MGAT4C: variants seen among roughly 807,000 people sequenced by gnomAD.
The protein encoded by MGAT4C is MGAT4 family member C.
In MGAT4C, 19 loss-of-function variants were observed where a neutral mutation model predicts 40.1. The ratio of observed to expected loss-of-function variants is 0.47; its 90% CI spans 0.33 to 0.70. The LOEUF is 0.70. Among genes scored for constraint, MGAT4C ranks in the 30% least tolerant of loss-of-function variants. The pLI is 0.02. For missense variants in MGAT4C, 491 were observed against 563.2 expected, an observed-to-expected ratio of 0.87 and a Z score of 1.30; for synonymous variants, 181 against 187.1, an observed-to-expected ratio of 0.97 and a Z score of 0.27.
At chr12:86,066,094 G>A (rs1894513360) in intron 1 of MGAT4C, among the ~76,000 whole-genome samples, 1 of 151,788 alleles carries the variant, frequency 6.6e-6, no homozygotes, top group South Asian at 2.1e-4. Flanking sequence ...TCCTTGCTCA[G>A]GGAGAGGAAG....
At chr12:86,254,581 T>A (rs1265126905) in intron 1 of MGAT4C, among the ~76,000 whole-genome samples, 1 of 152,100 alleles carries the variant, frequency 6.6e-6, no homozygotes, top group Non-Finnish European at 1.5e-5. Flanking sequence ...CCACTGGGTT[T>A]TTCAACTTCA....
intron 2 of MGAT4C, among the ~76,000 whole-genome samples, chr12:86,601,952 C>T (rs575596576): frequency 2.9e-4 from 44 of 152,272 alleles, no homozygotes; most frequent in Non-Finnish European, 5.3e-4. Context: ...TTCCTGGTGT[C>T]TCCGAGCTTT....
rs59492221 is a variant in MGAT4C at position 86,429,333 on chromosome 12, A to G, written c.-120+5824T>C. 0.02 allele frequency among the ~76,000 whole-genome samples: 3,007 copies of G among 152,270 alleles called. 214 individuals are homozygous for G. The East Asian group carries it at 0.24, about 12-fold the overall frequency. On this transcript the variant is annotated intron_variant, in intron 3 of 7. Coordinates refer to the MGAT4C transcript ENST00000548651. ...TGTGTTTAGAAAATATACTTGATATAATTTATATTTTTTAAAATTTGCTGA... is the reference window on the plus strand; with the variant it reads ...TGTGTTTAGAAAATATACTTGATATGATTTATATTTTTTAAAATTTGCTGA...
chr12:86,432,960 G>T (rs907888985), intron 3 of MGAT4C, among the ~76,000 whole-genome samples: 1 of 151,874 alleles, frequency 6.6e-6, no homozygotes, highest in Non-Finnish European at 1.5e-5. Flanking sequence ...CCTGGAGTGG[G>T]TATGAGGCTT....
At chr12:86,403,790 T>C (rs1956414380) in intron 3 of MGAT4C, among the ~76,000 whole-genome samples, 2 of 152,196 alleles carry the variant, frequency 1.3e-5, no homozygotes, top group African/African-American at 4.8e-5. Flanking sequence ...TGAAGATAGT[T>C]TGACTCCCAA....
chr12:86,106,735 T>G (rs1876253533), intron 1 of MGAT4C, among the ~76,000 whole-genome samples: 1 of 152,158 alleles, frequency 6.6e-6, no homozygotes, highest in Non-Finnish European at 1.5e-5. Context: ...ATGTGAGGTG[T>G]TGACTTAGAC....
At chr12:86,243,348 ATGTTCTGTGAT>A (rs1348174535) in intron 1 of MGAT4C, among the ~76,000 whole-genome samples, 1 of 152,190 alleles carries the variant, frequency 6.6e-6, no homozygotes, top group Non-Finnish European at 1.5e-5. Context: ...GTCTCTGAGA[ATGTTCTGTGAT>A]TGTTCCCTGT....
chr12:86,349,863 A>G (rs931068914), intron 3 of MGAT4C, among the ~76,000 whole-genome samples: 2 of 152,094 alleles, frequency 1.3e-5, no homozygotes, highest in Non-Finnish European at 2.9e-5. Flanking sequence ...TGTTAAATTT[A>G]TCAATACCTT....
intron 3 of MGAT4C, among the ~76,000 whole-genome samples, chr12:86,419,632 A>G (rs1956784181): frequency 6.6e-6 from 1 of 152,174 alleles, no homozygotes. Flanking sequence ...AAAAAGAAGT[A>G]AAAATAGAGC....
chr12:86,485,702 C>T (rs565560001), intron 2 of MGAT4C, among the ~76,000 whole-genome samples: 2 of 152,068 alleles, frequency 1.3e-5, no homozygotes, highest in East Asian at 1.9e-4. Flanking sequence ...GAGAAGTTGA[C>T]ACGCAAATTT....
At chr12:86,630,531 G>T (rs570821392) in intron 2 of MGAT4C, among the ~76,000 whole-genome samples, 34 of 152,244 alleles carry the variant, frequency 2.2e-4, no homozygotes, top group South Asian at 1.9e-3. Flanking sequence ...GAATCCAGCA[G>T]CATATCAAAA....
At chr12:86,041,905 G>C (rs59697356) in intron 2 of MGAT4C, among the ~76,000 whole-genome samples, 3,051 of 152,216 alleles carry the variant, frequency 0.02, 114 homozygotes, top group African/African-American at 0.069. Context: ...AATGTGCTCT[G>C]TGGGGCGTTG....
chr12:86,106,850 A>G (rs1369301550), intron 1 of MGAT4C, among the ~76,000 whole-genome samples: 1 of 152,172 alleles, frequency 6.6e-6, no homozygotes, highest in Non-Finnish European at 1.5e-5. Flanking sequence ...TTGTATTTGA[A>G]GTAGATTGAG....
chr12:86,652,363 A>G (rs1459489518), intron 2 of MGAT4C, among the ~76,000 whole-genome samples: 2 of 151,934 alleles, frequency 1.3e-5, no homozygotes, highest in African/African-American at 2.4e-5. Context: ...TCCAAAATAT[A>G]TAATAAATGC....
At chr12:86,231,179 C>T (rs1012526153) in intron 1 of MGAT4C, among the ~76,000 whole-genome samples, 3 of 151,996 alleles carry the variant, frequency 2.0e-5, no homozygotes, top group East Asian at 1.9e-4. Flanking sequence ...TAAAACATTC[C>T]CTTTAGCAAA....
chr12:86,151,955 T>C (rs941920708), intron 1 of MGAT4C, among the ~76,000 whole-genome samples: 1 of 152,218 alleles, frequency 6.6e-6, no homozygotes, highest in Non-Finnish European at 1.5e-5. Flanking sequence ...TACTAACTTA[T>C]GTGATCCAGT....
intron 3 of MGAT4C, among the ~76,000 whole-genome samples, chr12:86,350,136 C>G (rs527823714): frequency 6.6e-6 from 1 of 152,132 alleles, no homozygotes; most frequent in African/African-American, 2.4e-5. Flanking sequence ...CTTATCCTTT[C>G]TTTTCCTAGA....
chr12:86,731,128 A>C (rs1950900677), intron 1 of MGAT4C, among the ~76,000 whole-genome samples: 1 of 152,136 alleles, frequency 6.6e-6, no homozygotes, highest in African/African-American at 2.4e-5. Context: ...AGAGTTCTTA[A>C]AGAAATTTTA....
chr12:86,319,617 A>G (rs1385612488), intron 4 of MGAT4C, among the ~76,000 whole-genome samples: 1 of 152,214 alleles, frequency 6.6e-6, no homozygotes, highest in Non-Finnish European at 1.5e-5. Context: ...ATTAAAAAGC[A>G]AGTGGAATGA....
Sources: allele counts gnomAD v4.1 joint callset (sites outside exome capture counted in the v4.1 genomes callset), GRCh38; gene constraint gnomAD v4.1.1; transcripts MANE v1.5; gene names NCBI Gene and HGNC (gene_info 2026-07-23, HGNC 2026-07-21).